ROBO2: variants seen among roughly 807,000 people sequenced by gnomAD.
ROBO2 encodes roundabout homolog 2.
In ROBO2, 53 loss-of-function variants were observed where a neutral mutation model predicts 160.8. That is an observed-to-expected ratio of 0.33 (90% CI 0.26 to 0.41). The LOEUF (loss-of-function observed/expected upper bound fraction) is 0.41, where lower values mean the gene tolerates loss of function less well. ROBO2 is among the 10% of genes least tolerant of loss of function. ROBO2 has a pLI of 1.00. For missense variants in ROBO2, 1,577 were observed against 1,722.4 expected (o/e 0.92, Z 1.49); for synonymous variants, 664 against 611.7 (o/e 1.09, Z -1.26).
rs1168896409 is a variant in ROBO2 at position 76,141,179 on chromosome 3, A to ATATATATATATATATT, written c.109+203586_109+203587insATATATTTATATATAT. On this transcript the variant is annotated intron_variant, in intron 2 of 26. Transcript: ENST00000487694. ...TCTCTCTATATATATATATATATAT[A>ATATATATATATATATT]TATATATATTTAATGTCTGATATAT... Among the ~76,000 whole-genome samples the ATATATATATATATATT allele has an allele frequency of 1.7e-4, 18 of 104,472 alleles. No individual in the cohort carries two copies. The East Asian group carries it at 2.3e-3, about 13-fold the overall frequency. The allele number at this position is 104,472 out of a possible 152,430, so 68.5% of individuals were successfully genotyped here.
chr3:77,188,949 T>TTGTGTGTGTGTGTGTGTGTG (rs369545817), intron 2 of ROBO2, among the ~76,000 whole-genome samples: 2,197 of 142,518 alleles, frequency 0.015, 20 homozygotes, highest in Middle Eastern at 0.034. Context: ...TTTTGTAATC[T>TTGTGTGTGTGTGTGTGTGTG]TGTGTGTGTG....
chr3:76,580,342 G>GTTTTTTTTTTGTTTTTTTTTTTTTGT (rs2085604163), intron 2 of ROBO2, among the ~76,000 whole-genome samples: 1 of 90,562 alleles, frequency 1.1e-5, no homozygotes, highest in Non-Finnish European at 2.1e-5. Context: ...TTTTTTTTGT[G>GTTTTTTTTTTGTTTTTTTTTTTTTGT]TTTTTTTTTT....
chr3:77,449,301 GA>G (rs1401643656), intron 2 of ROBO2, among the ~76,000 whole-genome samples: 1 of 151,960 alleles, frequency 6.6e-6, no homozygotes, highest in African/African-American at 2.4e-5. Flanking sequence ...GTAATGAGAA[GA>G]ATGAAAAGGT....
chr3:76,976,560 A>G (rs973360317), intron 2 of ROBO2, among the ~76,000 whole-genome samples: 3 of 152,162 alleles, frequency 2.0e-5, no homozygotes, highest in Non-Finnish European at 4.4e-5. Context: ...GTGTGACTCA[A>G]CTGGTGACAT....
rs987707992 is a variant in ROBO2, at chr3:76,093,918, T to G, written c.109+156316T>G. 4.6e-5 allele frequency among the ~76,000 whole-genome samples: 7 copies of G among 152,134 alleles called. No individual in the cohort carries two copies. The South Asian group carries it at 1.2e-3, about 27-fold the overall frequency. On this transcript the variant is annotated intron_variant, in intron 2 of 26. Transcript: ENST00000487694. ...ATAAGTATAAGAATCTACAACAACA[T>G]AGTTAGAAATATTCATAGGGTTGTC...
chr3:77,366,040 T>C (rs1408827547), intron 2 of ROBO2, among the ~76,000 whole-genome samples: 2 of 152,206 alleles, frequency 1.3e-5, no homozygotes, highest in African/African-American at 2.4e-5. Context: ...TCAGTCCTAA[T>C]GATTATATTC....
intron 2 of ROBO2, among the ~76,000 whole-genome samples, chr3:76,694,027 C>T (rs531470837): frequency 2.6e-5 from 4 of 152,182 alleles, no homozygotes; most frequent in Non-Finnish European, 5.9e-5. Context: ...GAGCTCTCCA[C>T]GTGCCTACAT....
At position 76,514,399 on chromosome 3, in the gene ROBO2, A is replaced by G. The variant is rs370734587; in HGVS notation, c.109+576797A>G. On this transcript the variant is annotated intron_variant, in intron 2 of 26. Coordinates refer to the ROBO2 transcript ENST00000487694. ...ATGAGAATAAACTAGTAAAATTCAC[A>G]AAGCAGCTGAGAATTGTCCTTTATT... Among the ~76,000 whole-genome samples, 10 of 152,336 alleles carry G rather than the reference A, an allele frequency of 6.6e-5. No homozygotes were observed. The East Asian group carries it at 1.7e-3, about 26-fold the overall frequency.
chr3:77,174,166 C>T (rs1364372703), intron 2 of ROBO2, among the ~76,000 whole-genome samples: 1 of 152,018 alleles, frequency 6.6e-6, no homozygotes, highest in African/African-American at 2.4e-5. Context: ...GTAATGACAC[C>T]TTTAAACCAA....
chr3:77,208,050 G>GT (rs1560236580), intron 2 of ROBO2, among the ~76,000 whole-genome samples: 2 of 152,172 alleles, frequency 1.3e-5, no homozygotes, highest in African/African-American at 4.8e-5. Context: ...CCTGTAAAGA[G>GT]TAAGATGTGC....
At chr3:76,047,923 G>A (rs536911546) in intron 2 of ROBO2, among the ~76,000 whole-genome samples, 1 of 152,310 alleles carries the variant, frequency 6.6e-6, no homozygotes, top group South Asian at 2.1e-4. Context: ...CAACTTTGGA[G>A]AAATTATATT....
chr3:76,688,239 C>T (rs527765726), intron 2 of ROBO2, among the ~76,000 whole-genome samples: 1 of 151,952 alleles, frequency 6.6e-6, no homozygotes, highest in South Asian at 2.1e-4. Context: ...AGGCATGCTT[C>T]AGAAAACCGC....
chr3:77,180,316 T>C (rs560268170), intron 2 of ROBO2, among the ~76,000 whole-genome samples: 1 of 150,392 alleles, frequency 6.6e-6, no homozygotes. Flanking sequence ...AAAAATCAGT[T>C]TAGAACAAAT....
intron 2 of ROBO2, among the ~76,000 whole-genome samples, chr3:76,216,921 C>T (rs2107366208): frequency 6.6e-6 from 1 of 152,268 alleles, no homozygotes; most frequent in East Asian, 1.9e-4. Context: ...TAAAGCTCTC[C>T]TCAGCAAATG....
intron 2 of ROBO2, among the ~76,000 whole-genome samples, chr3:76,816,522 G>A (rs2065678824): frequency 6.6e-6 from 1 of 151,966 alleles, no homozygotes; most frequent in Admixed American, 6.6e-5. Flanking sequence ...TAACATATGA[G>A]ATAGTTATGA....
chr3:76,542,330 T>C (rs2082866083), intron 2 of ROBO2, among the ~76,000 whole-genome samples: 1 of 152,174 alleles, frequency 6.6e-6, no homozygotes, highest in African/African-American at 2.4e-5. Flanking sequence ...ATGGTGAACC[T>C]TTCTGTGCTG....
chr3:77,512,280 C>T (rs1007316733), intron 5 of ROBO2, among the ~76,000 whole-genome samples: 5 of 151,902 alleles, frequency 3.3e-5, no homozygotes, highest in Admixed American at 1.3e-4. Flanking sequence ...CAAGTGTTGC[C>T]TGTGCAAAGA....
intron 2 of ROBO2, among the ~76,000 whole-genome samples, chr3:76,066,925 G>A (rs73842952): frequency 0.021 from 3,139 of 152,244 alleles, 45 homozygotes; most frequent in East Asian, 0.081. Flanking sequence ...TCTTGACTGC[G>A]TGTTTGAAGG....
intron 16 of ROBO2, among the ~76,000 whole-genome samples, chr3:77,583,636 T>A (rs140527157): frequency 1.3e-5 from 2 of 152,270 alleles, no homozygotes; most frequent in East Asian, 3.9e-4. Flanking sequence ...TATTTCAACA[T>A]CCATCTTGTC....
Sources: gnomAD v4.1 joint callset for allele counts (sites outside exome capture counted in the v4.1 genomes callset) on GRCh38, gnomAD v4.1.1 for gene constraint, MANE v1.5 for transcripts, NCBI Gene and HGNC (gene_info 2026-07-23, HGNC 2026-07-21) for gene names.